Variants in CADPS2 observed in about 807,000 individuals in gnomAD.
CADPS2 encodes the protein calcium-dependent secretion activator 2.
A neutral mutation model predicts 172.5 loss-of-function variants in CADPS2; 93 were observed. The observed-to-expected ratio is 0.54, with a 90% CI of 0.46 to 0.64. The LOEUF is 0.64. CADPS2 is among the 30% of genes least tolerant of loss of function. The pLI is 0.00. For synonymous variants in CADPS2, 546 were observed against 555.2 expected (o/e 0.98, Z 0.23); for missense variants, 1,420 against 1,565.9 (o/e 0.91, Z 1.57).
chr7:122,837,192 G>C (rs376363533), intron 1 of CADPS2, among the ~76,000 whole-genome samples: 1 of 152,164 alleles, frequency 6.6e-6, no homozygotes. Context: ...GGTACATAAC[G>C]AAATGAAGGC....
chr7:122,756,377 G>C (rs1203853021), intron 1 of CADPS2, among the ~76,000 whole-genome samples: 1 of 151,860 alleles, frequency 6.6e-6, no homozygotes, highest in Non-Finnish European at 1.5e-5. Flanking sequence ...GATATGAGAA[G>C]GTTCAATTCA....
intron 7 of CADPS2, among the ~76,000 whole-genome samples, chr7:122,556,264 A>G (rs1365155798): frequency 6.6e-6 from 1 of 152,150 alleles, no homozygotes; most frequent in Non-Finnish European, 1.5e-5. Context: ...AGACAAAGGA[A>G]TATCATTATC....
chr7:122,581,294 T>C lies in CADPS2; in HGVS notation c.1224-4A>G. 6.2e-7 allele frequency: 1 copy of C among 1,607,470 alleles called. No homozygotes were observed. Among genetic ancestry groups the C allele is most frequent in the Non-Finnish European group, 8.5e-7 (1 of 1,174,578 alleles). On this transcript the variant is annotated splice_polypyrimidine_tract_variant and splice_region_variant and intron_variant, in intron 6 of 29. Transcript: ENST00000449022. ...GAAATCTCCTTGAGTCCCCCATCTG[T>C]AATGAAGTAAAAAAAATGTTTCTTA...
chr7:122,812,684 A>C (rs768442348), intron 1 of CADPS2, among the ~76,000 whole-genome samples: 2 of 152,096 alleles, frequency 1.3e-5, no homozygotes, highest in Admixed American at 1.3e-4. Flanking sequence ...TTTCTTTATG[A>C]TAGGACCAAT....
chr7:122,646,822 A>G (rs2078611613), intron 3 of CADPS2, among the ~76,000 whole-genome samples: 1 of 152,156 alleles, frequency 6.6e-6, no homozygotes. Flanking sequence ...AGAAGGAGAA[A>G]GTAGGTAAGA....
At chr7:122,842,006 C>T (rs1014613545) in intron 1 of CADPS2, among the ~76,000 whole-genome samples, 34 of 152,162 alleles carry the variant, frequency 2.2e-4, no homozygotes, top group Non-Finnish European at 3.7e-4. Flanking sequence ...GGATGGGAAG[C>T]AGGCCTGGGT....
chr7:122,518,594 GA>G (rs1197228675), intron 8 of CADPS2, among the ~76,000 whole-genome samples: 1 of 152,096 alleles, frequency 6.6e-6, no homozygotes, highest in Non-Finnish European at 1.5e-5. Context: ...AGGTGTACTA[GA>G]GATTTGCTAG....
At chr7:122,677,401 G>A (rs1345847683) in intron 2 of CADPS2, among the ~76,000 whole-genome samples, 1 of 152,210 alleles carries the variant, frequency 6.6e-6, no homozygotes, top group Non-Finnish European at 1.5e-5. Flanking sequence ...TCCCTGGGCT[G>A]CAGTGAAGGG....
chr7:122,495,728 A>G (rs2130055409), intron 9 of CADPS2, among the ~76,000 whole-genome samples: 1 of 152,298 alleles, frequency 6.6e-6, no homozygotes, highest in East Asian at 1.9e-4. Flanking sequence ...AATGTTGCCT[A>G]GCTGCTTTCC....
chr7:122,325,904 A>C (rs139714881), intron 28 of CADPS2, among the ~76,000 whole-genome samples: 74 of 152,190 alleles, frequency 4.9e-4, no homozygotes, highest in Non-Finnish European at 6.5e-4. Flanking sequence ...AGGATCCTAA[A>C]TACATGTTAT....
chr7:122,695,270 G>A (rs1220580535), intron 2 of CADPS2, among the ~76,000 whole-genome samples: 1 of 152,142 alleles, frequency 6.6e-6, no homozygotes, highest in Non-Finnish European at 1.5e-5. Context: ...TATCTGAGGA[G>A]TGAATAAAAA....
intron 12 of CADPS2, chr7:122,480,148 G>T: frequency 2.1e-6 from 1 of 470,292 alleles, no homozygotes; most frequent in Non-Finnish European, 4.4e-6. Context: ...CACCCCTTCA[G>T]CTCACTCTCT....
At chr7:122,822,451 C>G (rs528645958) in intron 1 of CADPS2, among the ~76,000 whole-genome samples, 1 of 152,082 alleles carries the variant, frequency 6.6e-6, no homozygotes, top group East Asian at 1.9e-4. Context: ...TGAGAAACAT[C>G]GCCCATTCTC....
intron 9 of CADPS2, among the ~76,000 whole-genome samples, chr7:122,495,798 A>G (rs1321245586): frequency 1.3e-5 from 2 of 152,170 alleles, no homozygotes; most frequent in Non-Finnish European, 2.9e-5. Context: ...ATATTAATAC[A>G]TCTTTACCAA....
At chr7:122,698,317 G>A (rs752480919) in intron 2 of CADPS2, 1 of 1,614,024 alleles carries the variant, frequency 6.2e-7, no homozygotes, top group Non-Finnish European at 8.5e-7. Flanking sequence ...ATATGCTAAG[G>A]TAGCAGTTGT....
intron 2 of CADPS2, among the ~76,000 whole-genome samples, chr7:122,696,260 CT>C (rs1469040617): frequency 6.6e-6 from 1 of 152,144 alleles, no homozygotes; most frequent in Non-Finnish European, 1.5e-5. Flanking sequence ...CAGGAAATGA[CT>C]TTACTCTCCC....
chr7:122,325,416 T>C (rs1471181246), intron 29 of CADPS2, 61 bp downstream of exon 29: 2 of 1,041,382 alleles, frequency 1.9e-6, no homozygotes, highest in Non-Finnish European at 2.9e-6. Context: ...TGTATGTCAG[T>C]ATCTTGCCAT....
At chr7:122,698,531 A>G (rs766128565) in intron 2 of CADPS2, 1 of 1,614,084 alleles carries the variant, frequency 6.2e-7, no homozygotes, top group Admixed American at 1.7e-5. Flanking sequence ...GGAACGTTAT[A>G]GATGATCACT....
At chr7:122,632,655 C>T (rs2076686257) in intron 3 of CADPS2, among the ~76,000 whole-genome samples, 1 of 152,160 alleles carries the variant, frequency 6.6e-6, no homozygotes, top group Admixed American at 6.6e-5. Context: ...TGTTGGTTGA[C>T]TCTGTTGGTA....
Sources: gnomAD v4.1 joint callset for allele counts (sites outside exome capture counted in the v4.1 genomes callset) on GRCh38, gnomAD v4.1.1 for gene constraint, MANE v1.5 for transcripts, NCBI Gene and HGNC (gene_info 2026-07-23, HGNC 2026-07-21) for gene names.